The following SPTBN5 variants were observed in gnomAD, a reference collection of about 807,000 sequenced individuals.
SPTBN5 encodes the protein spectrin beta chain, non-erythrocytic 5.
In SPTBN5, 513 loss-of-function variants were observed where a neutral mutation model predicts 477.6. That is an observed-to-expected ratio of 1.07 (90% CI 1.00 to 1.16). The LOEUF (loss-of-function observed/expected upper bound fraction) is 1.16. Ranked by LOEUF, SPTBN5 falls within the 50% of genes most tolerant of loss-of-function variation. The pLI is 0.00. For synonymous variants in SPTBN5, 2,169 were observed against 2,011.7 expected (o/e 1.08, Z -2.09); for missense variants, 5,062 against 4,731.8 (o/e 1.07, Z -2.05).
In SPTBN5 at chr15:41,874,432, G is replaced by A; in HGVS notation, c.4549C>T (p.Gln1517Ter). The A allele has an allele frequency of 1.2e-6, 2 of 1,612,780 alleles. No individual in the cohort carries two copies. The highest frequency in any genetic ancestry group is 2.2e-5 in the East Asian group (1 of 44,860). ...GHLAIRGLQLQASVELHQFCH... is the reference protein window; with the variant it reads ...GHLAIRGLQL The stretch of plus-strand genomic sequence containing the variant: ...AACTGGTGCAGCTCCACTGAGGCCT[G>A]CAGCTGCAGGCCCCGGATGGCCAGA... The change falls in exon 24 of 68, where the codon CAG becomes TAG. Residue 1517 changes from glutamine to a stop codon, truncating the protein, a stop_gained. Transcript: ENST00000320955. LOFTEE classifies it high-confidence loss of function.
intron 7 of SPTBN5, among the ~76,000 whole-genome samples, chr15:41,884,418 C>A (rs773425365): frequency 2.0e-5 from 3 of 152,158 alleles, no homozygotes; most frequent in Admixed American, 2.0e-4. Context: ...CCAGGCCCGG[C>A]CTAACATCTT....
chr15:41,885,926 C>G lies in SPTBN5; in HGVS notation c.1329G>C (p.Lys443Asn). The G allele has an allele frequency of 6.3e-7, 1 of 1,577,136 alleles. No individual in the cohort carries two copies. The highest frequency in any genetic ancestry group is 8.6e-7 in the Non-Finnish European group (1 of 1,161,670). The change falls in exon 7 of 68, where the codon AAG becomes AAC. Residue 443 changes from lysine to asparagine, a missense_variant. By Grantham distance (94) the Lys-to-Asn change is moderately conservative (BLOSUM62 0). Transcript: ENST00000320955. ...HKAALRESFL[K>N]DAEQVLDQAR... ...CCTGGTCTAGCACCTGCTCTGCATC[C>G]TTAAGGAAACTCTCCCGGAGGGCTG...
At chr15:41,859,283 C>T (rs1041943778) in intron 47 of SPTBN5, among the ~76,000 whole-genome samples, 8 of 152,112 alleles carry the variant, frequency 5.3e-5, no homozygotes, top group Admixed American at 6.5e-5. Context: ...CTCAGCCTCC[C>T]GAGTAGCTAG....
intron 66 of SPTBN5, chr15:41,850,359 C>G (rs531614966): frequency 8.1e-6 from 2 of 246,994 alleles, no homozygotes; most frequent in Non-Finnish European, 1.6e-5. Context: ...CAGCAGAGCA[C>G]GCTGACCACG....
At position 41,852,633 on chromosome 15, in the gene SPTBN5, CCT is replaced by C. The variant is rs767527096; in HGVS notation, c.10448_10449del (p.Glu3483AspfsTer40). The C allele has an allele frequency of 8.4e-5, 135 of 1,613,332 alleles. No individual in the cohort carries two copies. Among genetic ancestry groups the C allele is most frequent in the Non-Finnish European group, 1.8e-5 (21 of 1,179,858 alleles). ...EEKFAQMQKT[E>X]MEQELLLQPQ... ...CAGCCCCTAGCCGAGGCAGTCGTCACCTCTGTCTTTTGCATTTGGGCAAACTT... is the reference window on the plus strand; with the variant it reads ...CAGCCCCTAGCCGAGGCAGTCGTCACCTGTCTTTTGCATTTGGGCAAACTT... On this transcript the variant is annotated frameshift_variant and splice_region_variant, in exon 61 of 68. Transcript: ENST00000320955. LOFTEE classifies it high-confidence loss of function.
In SPTBN5 at chr15:41,871,576, G is replaced by C. The variant is rs887767415; in HGVS notation, c.5302-56C>G. On this transcript the variant is annotated intron_variant, in intron 28 of 67. Coordinates refer to ENST00000320955, the MANE Select transcript of SPTBN5 (RefSeq NM_016642.4). ...CCCCCAGCTGGTTAGGCGTCAAGCA[G>C]CCTGGGAATCGAGGCACCTCAGTGC... is the stretch of plus-strand genomic sequence containing the variant. 5 of 1,411,304 alleles carry C rather than the reference G, an allele frequency of 3.5e-6. No individual in the cohort carries two copies. In the African/African-American group the frequency reaches 4.4e-5, roughly 13 times the overall value. The allele number at this position is 1,411,304 out of a possible 1,614,324, so 87.4% of individuals were successfully genotyped here. A position where few individuals can be genotyped will look rare whatever the true frequency, so the allele number is the denominator to read the frequency against.
chr15:41,886,394 G>T (rs760868758), intron 6 of SPTBN5, 28 bp from the exon 7 acceptor site: 1 of 1,554,172 alleles, frequency 6.4e-7, no homozygotes, highest in Non-Finnish European at 8.7e-7. Flanking sequence ...AAGGGGTCAG[G>T]GTCCTTCTCA....
rs997565905 is a variant in SPTBN5, at chr15:41,886,352, G to C, written c.903C>G (p.Leu301=). 6.2e-7 allele frequency: 1 copy of C among 1,602,750 alleles called. No homozygotes were observed. The highest frequency in any genetic ancestry group is 8.5e-7 in the Non-Finnish European group (1 of 1,173,722). ...GGGTCTGCAGCAGCTCTGTCTCCTG[G>C]AGCTGAAGCAGGATCTGGTGGAGGG... ...QRRLTKILLQ[L]QETELLQTQY... is the part of the protein sequence containing the mutation. Residue 301 remains leucine, a synonymous_variant, in exon 7 of 68, where the codon CTC becomes CTG. Transcript: ENST00000320955.
chr15:41,860,262 G>A (rs1182397511), intron 47 of SPTBN5, among the ~76,000 whole-genome samples: 8 of 152,220 alleles, frequency 5.3e-5, no homozygotes, highest in African/African-American at 7.2e-5. Flanking sequence ...CTGGAAGGCC[G>A]ATGCTTGACC....
intron 8 of SPTBN5, 26 bp from the exon 9 acceptor site, chr15:41,883,254 G>A (rs1425408362): frequency 1.9e-6 from 3 of 1,606,130 alleles, no homozygotes; most frequent in East Asian, 4.5e-5. Context: ...GGTCATTGCA[G>A]TGGTCCCAAG....
chr15:41,888,067 C>T lies in SPTBN5; in HGVS notation c.520G>A (p.Ala174Thr), dbSNP rs758116559. ...GCTTCCTTGGTGGACAGCAGGGCTG[C>T]GCTGGCCCCAAACTCCTCCTGGCGG... The part of the protein sequence containing the change: ...SLDKEEFGAS[A>T]ALLSTKEALL... The change falls in exon 5 of 68, where the codon GCA becomes ACA. Residue 174 changes from alanine (A) to threonine (T), a missense_variant. Physicochemically the swap from Ala to Thr is moderately conservative, Grantham distance 58. Transcript: ENST00000320955. 1.2e-5 allele frequency: 19 copies of T among 1,573,560 alleles called. No individual in the cohort carries two copies. Among genetic ancestry groups the T allele is most frequent in the African/African-American group, 4.0e-5 (3 of 74,098 alleles).
chr15:41,862,324 G>A, intron 43 of SPTBN5, 32 bp from the exon 44 acceptor site: 2 of 1,564,526 alleles, frequency 1.3e-6, no homozygotes, highest in Non-Finnish European at 8.7e-7. Flanking sequence ...TAGTCGTCAG[G>A]CCTTCAAACC....
chr15:41,884,364 C>T (rs1055049276), intron 7 of SPTBN5, among the ~76,000 whole-genome samples: 1 of 152,282 alleles, frequency 6.6e-6, no homozygotes, highest in African/African-American at 2.4e-5. Flanking sequence ...AGGTGATCCA[C>T]CCGCCTTGGC....
chr15:41,875,245 C>A (rs960056468), intron 22 of SPTBN5, among the ~76,000 whole-genome samples, 189 bp from the exon 23 acceptor site: 1 of 152,374 alleles, frequency 6.6e-6, no homozygotes, highest in South Asian at 2.1e-4. Context: ...CCCTGGGGGA[C>A]TCAAGTGGTG....
In SPTBN5 at chr15:41,856,574, G is replaced by T; in HGVS notation, c.8833C>A (p.His2945Asn). Residue 2945 changes from histidine to asparagine, a missense_variant, in exon 53 of 68, where the codon CAC becomes AAC. Coordinates refer to ENST00000320955, the MANE Select transcript of SPTBN5 (RefSeq NM_016642.4). ...HQNLESEMSS[H>N]EALTRVVLGT... ...AGCACCACCCGGGTCAGAGCCTCGT[G>T]GCTGCTCATCTCACTCTCCAGGTTC... 1 of 1,593,866 alleles carries T rather than the reference G, an allele frequency of 6.3e-7. No homozygotes were observed.
chr15:41,861,589 G>C (rs1347154146), intron 45 of SPTBN5, 93 bp from the exon 46 acceptor site: 16 of 1,540,272 alleles, frequency 1.0e-5, no homozygotes, highest in Non-Finnish European at 1.4e-5. Context: ...TAGGGAACCA[G>C]GGTCCTGGAA....
intron 6 of SPTBN5, among the ~76,000 whole-genome samples, chr15:41,886,802 G>A (rs757578067): frequency 1.3e-5 from 2 of 152,196 alleles, no homozygotes; most frequent in Non-Finnish European, 2.9e-5. Context: ...CTGCCATCGT[G>A]TCCAGAGAGT....
At position 41,877,162 on chromosome 15, in the gene SPTBN5, G is replaced by A. The variant is rs778754630; in HGVS notation, c.3665C>T (p.Ala1222Val). The change falls in exon 18 of 68, where the codon GCC (alanine) becomes GTC (valine). Residue 1222 changes from alanine to valine, a missense_variant. Physicochemically the swap from Ala to Val is moderately conservative, Grantham distance 64. Transcript: ENST00000320955. ...CCAGGCCTGGTGGTTGGCACAGGTG[G>A]CAGTGAAACCATCCACTTCTCGGCC... ...KFGREVDGFT[A>V]TCANHQAWLH... The A allele has an allele frequency of 5.6e-6, 9 of 1,613,972 alleles. No individual in the cohort carries two copies. The highest frequency in any genetic ancestry group is 7.6e-6 in the Non-Finnish European group (9 of 1,179,886).
Position 41,874,976 on chromosome 15 carries a change from C to T in SPTBN5, c.4368G>A (p.Arg1456=). 2 of 1,613,750 alleles carry T rather than the reference C, an allele frequency of 1.2e-6. No homozygotes were observed. Among genetic ancestry groups the T allele is most frequent in the Non-Finnish European group, 1.7e-6 (2 of 1,179,886 alleles). ...ETGQDLRSSQ[R]LQKRHQQLES... is the part of the protein sequence containing the mutation. ...CCAGCTGTTGGTGCCGTTTCTGCAG[C>T]CTCTGGCTGGAGCGCAGGTCCTGCC... is the stretch of plus-strand genomic sequence containing the variant. Residue 1456 remains arginine (R), a synonymous_variant, in exon 23 of 68, where the codon AGG becomes AGA. Transcript: ENST00000320955.
Sources: gnomAD v4.1 joint callset for allele counts (sites outside exome capture counted in the v4.1 genomes callset) on GRCh38, gnomAD v4.1.1 for gene constraint, MANE v1.5 for transcripts, NCBI Gene and HGNC (gene_info 2026-07-23, HGNC 2026-07-21) for gene names.